N4BP2L2: variants seen among roughly 807,000 people sequenced by gnomAD.
N4BP2L2 encodes NEDD4 binding protein 2 like 2, also known as NEDD4-binding protein 2-like 2.
In N4BP2L2, 50 loss-of-function variants were observed where a neutral mutation model predicts 56.2. That is an observed-to-expected ratio of 0.89 (90% confidence interval 0.71 to 1.13). The LOEUF is 1.13. Among genes scored for constraint, N4BP2L2 ranks in the 50% most tolerant of loss-of-function variants. N4BP2L2 has a pLI of 0.00. For synonymous variants in N4BP2L2, 203 were observed against 223.6 expected (o/e 0.91, Z 0.82); for missense variants, 689 against 693.8 (o/e 0.99, Z 0.08).
At chr13:32,491,119 G>C (rs943157397) in intron 6 of N4BP2L2, among the ~76,000 whole-genome samples, 6 of 152,026 alleles carry the variant, frequency 3.9e-5, no homozygotes, top group Non-Finnish European at 8.8e-5. Context: ...AGAACCCAGA[G>C]AAAATCCATA....
chr13:32,527,864 C>G (rs544251308), intron 2 of N4BP2L2, among the ~76,000 whole-genome samples: 1 of 151,888 alleles, frequency 6.6e-6, no homozygotes, highest in Non-Finnish European at 1.5e-5. Flanking sequence ...CTCCGCCTCC[C>G]GGGTTCAAGT....
At chr13:32,504,181 A>G (rs1017876714) in intron 6 of N4BP2L2, among the ~76,000 whole-genome samples, 1 of 152,254 alleles carries the variant, frequency 6.6e-6, no homozygotes, top group Non-Finnish European at 1.5e-5. Flanking sequence ...GAACTGCAGA[A>G]AAGAAGGAAA....
At chr13:32,507,641 A>T (rs114197514), downstream of N4BP2L2, 46 of 151,514 alleles carry the variant, frequency 3.0e-4, no homozygotes, top group African/African-American at 1.0e-3. Context: ...CAGAAATAAC[A>T]GTTAGAGCTT....
intron 6 of N4BP2L2, among the ~76,000 whole-genome samples, chr13:32,474,664 C>T (rs1450500768): frequency 3.3e-5 from 5 of 152,104 alleles, no homozygotes; most frequent in East Asian, 1.9e-4. Flanking sequence ...CACTGCACTC[C>T]GGCCTGGGCA....
chr13:32,470,196 G>T (rs1445904740), intron 6 of N4BP2L2, among the ~76,000 whole-genome samples: 1 of 152,152 alleles, frequency 6.6e-6, no homozygotes, highest in Non-Finnish European at 1.5e-5. Context: ...AGACTTGATG[G>T]ACCGCTTGAC....
intron 2 of N4BP2L2, among the ~76,000 whole-genome samples, chr13:32,528,657 G>T (rs2053775879): frequency 6.6e-6 from 1 of 152,100 alleles, no homozygotes; most frequent in Non-Finnish European, 1.5e-5. Flanking sequence ...TCCTCTCCTT[G>T]AACCATTAGG....
At chr13:32,524,286 T>C (rs763340720) in intron 3 of N4BP2L2, 4 of 152,254 alleles carry the variant, frequency 2.6e-5, no homozygotes, top group African/African-American at 4.8e-5. Context: ...ATTAAAATTA[T>C]TCTCCTAATG....
chr13:32,493,827 C>T (rs960193077), intron 6 of N4BP2L2, among the ~76,000 whole-genome samples: 1 of 152,206 alleles, frequency 6.6e-6, no homozygotes, highest in African/African-American at 2.4e-5. Context: ...AAACTGCAAG[C>T]TAATGTTACT....
intron 6 of N4BP2L2, among the ~76,000 whole-genome samples, chr13:32,495,982 C>T (rs749307303): frequency 5.9e-5 from 9 of 152,142 alleles, no homozygotes; most frequent in Admixed American, 2.0e-4. Flanking sequence ...CCCACCCCGC[C>T]GGTGCCTTTT....
intron 6 of N4BP2L2, among the ~76,000 whole-genome samples, chr13:32,451,563 A>T (rs1351633113): frequency 1.3e-5 from 2 of 152,034 alleles, no homozygotes; most frequent in African/African-American, 4.8e-5. Context: ...ATTTTTGGAG[A>T]CAGGGTCTCA....
chr13:32,459,370 A>G (rs556262865), intron 6 of N4BP2L2, among the ~76,000 whole-genome samples: 1 of 152,268 alleles, frequency 6.6e-6, no homozygotes, highest in South Asian at 2.1e-4. Context: ...GATGATAAAC[A>G]AAATTAAACA....
At chr13:32,529,982 T>TCC (rs1306406707) in intron 2 of N4BP2L2, among the ~76,000 whole-genome samples, 1 of 152,184 alleles carries the variant, frequency 6.6e-6, no homozygotes, top group African/African-American at 2.4e-5. Flanking sequence ...CACCTCAGCC[T>TCC]CCTAAAGTGC....
chr13:32,504,714 T>A (rs886166437), intron 6 of N4BP2L2: 2 of 152,174 alleles, frequency 1.3e-5, no homozygotes, highest in Non-Finnish European at 2.9e-5. Flanking sequence ...GTATCAACTC[T>A]AAGCCCCAAA....
At chr13:32,436,600 G>A (rs1392830392) in intron 8 of N4BP2L2, among the ~76,000 whole-genome samples, 1 of 151,754 alleles carries the variant, frequency 6.6e-6, no homozygotes, top group Non-Finnish European at 1.5e-5. Context: ...GAACAGCGTG[G>A]CCAACATGGC....
chr13:32,498,298 TAAC>T (rs924071838), intron 6 of N4BP2L2, among the ~76,000 whole-genome samples: 21 of 152,282 alleles, frequency 1.4e-4, no homozygotes, highest in African/African-American at 4.8e-4. Context: ...CTGTTGAATT[TAAC>T]AAAACATTTG....
upstream of N4BP2L2, chr13:32,538,808 GT>G (rs2057281401): frequency 1.0e-6 from 1 of 985,400 alleles, no homozygotes. Flanking sequence ...TCACCTCTCG[GT>G]TACCCAGGCC....
exon 7 of N4BP2L2, chr13:32,443,638 C>A (rs1376320343): frequency 6.2e-7 from 1 of 1,611,662 alleles, no homozygotes; most frequent in Non-Finnish European, 8.5e-7. Context: ...ATGCCTATTT[C>A]TAATATGCTT....
exon 6 of N4BP2L2, chr13:32,517,667 T>C: frequency 7.0e-7 from 1 of 1,420,934 alleles, no homozygotes; most frequent in South Asian, 1.6e-5. Flanking sequence ...TTGCTGGGAA[T>C]TTAAACAACT....
At chr13:32,523,697 A>T (rs2140088869) in intron 3 of N4BP2L2, 1 of 152,292 alleles carries the variant, frequency 6.6e-6, no homozygotes, top group African/African-American at 2.4e-5. Flanking sequence ...AAAAAAAAAA[A>T]AAAAATTAAA....
Sources: gnomAD v4.1 joint callset for allele counts (sites outside exome capture counted in the v4.1 genomes callset) on GRCh38, gnomAD v4.1.1 for gene constraint, MANE v1.5 for transcripts, NCBI Gene and HGNC (gene_info 2026-07-23, HGNC 2026-07-21) for gene names.